The following LCOR variants were observed in gnomAD, a reference collection of about 807,000 sequenced individuals.
LCOR encodes the protein ligand-dependent corepressor.
A neutral mutation model predicts 64.4 loss-of-function variants in LCOR; 14 were observed. That is an observed-to-expected ratio of 0.22 (90% CI 0.14 to 0.34). LCOR has a LOEUF of 0.34. Ranked by LOEUF, LCOR falls within the 10% of genes least tolerant of loss-of-function variation. LCOR has a pLI of 1.00. For missense variants in LCOR, 1,686 were observed against 1,765.3 expected (o/e 0.96, Z 0.80); for synonymous variants, 643 against 642.5 (o/e 1.00, Z -0.01).
intron 2 of LCOR, among the ~76,000 whole-genome samples, chr10:96,866,992 C>A (rs1845985459): frequency 6.6e-6 from 1 of 151,996 alleles, no homozygotes; most frequent in South Asian, 2.1e-4. Context: ...TTTTCTATTA[C>A]TATTATTTTT....
At chr10:96,839,186 C>A (rs1027886380) in intron 2 of LCOR, among the ~76,000 whole-genome samples, 5 of 152,110 alleles carry the variant, frequency 3.3e-5, no homozygotes, top group Admixed American at 2.6e-4. Flanking sequence ...TTATTCAGAT[C>A]CCTTGCCCAT....
At position 96,832,343 on chromosome 10, in the gene LCOR, G is replaced by A. The variant is rs1361986088; in HGVS notation, c.-460G>A. 4 of 984,882 alleles carry A rather than the reference G, an allele frequency of 4.1e-6. No homozygotes were observed. The highest frequency in any genetic ancestry group is 1.8e-5 in the African/African-American group (1 of 57,108). 61.0% of individuals were successfully genotyped at this position (984,882 alleles called of 1,614,324 possible). A position where few individuals can be genotyped will look rare whatever the true frequency, so the allele number is the denominator to read the frequency against. Reference sequence around the variant, plus strand: ...AGGCGGCAGCAATGCTCCGTTGAGAGACGCGGCTTTCGGCAAGAACTGGAT... The same window carrying A: ...AGGCGGCAGCAATGCTCCGTTGAGAAACGCGGCTTTCGGCAAGAACTGGAT... On this transcript the variant is annotated 5_prime_UTR_variant, in exon 1 of 8. Transcript: ENST00000421806.
At chr10:96,962,558 A>C (rs542273408) in intron 7 of LCOR, 1 of 152,198 alleles carries the variant, frequency 6.6e-6, no homozygotes, top group Admixed American at 6.5e-5. Flanking sequence ...GAATTTTAGT[A>C]TGTAATAGCA....
chr10:96,953,887 T>C (rs1241146709), intron 7 of LCOR, among the ~76,000 whole-genome samples: 1 of 152,234 alleles, frequency 6.6e-6, no homozygotes, highest in Non-Finnish European at 1.5e-5. Flanking sequence ...AAAGCCCTAT[T>C]TTGTGCCTAA....
rs540671360 is a variant in LCOR at position 96,912,203 on chromosome 10, T to C, written c.-184+4456T>C. ...CCCGCCTCGGCCTCCCAAAGTGTGA[T>C]AACAGGTGTGAGCCACTGCACCCGG... On this transcript the variant is annotated intron_variant, in intron 4 of 7. Coordinates refer to ENST00000421806, the MANE Select transcript of LCOR (RefSeq NM_001346516.2). Among the ~76,000 whole-genome samples the C allele has an allele frequency of 2.0e-5, 3 of 152,250 alleles. No homozygotes were observed. In the South Asian group the frequency reaches 6.2e-4, roughly 32 times the overall value.
chr10:96,859,344 G>T (rs1263197650), intron 2 of LCOR, among the ~76,000 whole-genome samples: 1 of 152,130 alleles, frequency 6.6e-6, no homozygotes, highest in Non-Finnish European at 1.5e-5. Flanking sequence ...CAAGTAGCTG[G>T]GATTACAGGC....
chr10:96,976,703 T>G (rs1848043225), intron 7 of LCOR, among the ~76,000 whole-genome samples: 1 of 152,264 alleles, frequency 6.6e-6, no homozygotes, highest in Non-Finnish European at 1.5e-5. Context: ...ATTACTCATT[T>G]ATTCTGTGTG....
chr10:96,839,028 T>G (rs1206763249), intron 2 of LCOR, among the ~76,000 whole-genome samples: 1 of 152,220 alleles, frequency 6.6e-6, no homozygotes, highest in Admixed American at 6.5e-5. Context: ...TTAGTGGGTA[T>G]GAAGTCGTAT....
chr10:96,920,662 GTATATATGTATATATTCA>G (rs1263721180), intron 4 of LCOR, among the ~76,000 whole-genome samples: 1 of 128,504 alleles, frequency 7.8e-6, no homozygotes, highest in Non-Finnish European at 1.5e-5. Context: ...GTGTATATAT[GTATATATGTATATATTCA>G]TATATGTGTA....
chr10:96,893,656 G>A (rs778478994), intron 2 of LCOR, among the ~76,000 whole-genome samples: 13 of 151,968 alleles, frequency 8.6e-5, no homozygotes, highest in Non-Finnish European at 1.8e-4. Flanking sequence ...CCAGCTACTC[G>A]GGAGGCTGAG....
intron 3 of LCOR, 52 bp from the exon 4 acceptor site, chr10:96,907,616 A>G (rs775405408): frequency 2.6e-5 from 18 of 692,732 alleles, no homozygotes; most frequent in Non-Finnish European, 3.2e-5. Flanking sequence ...ATTCTAATTT[A>G]TTTTCCTAAA....
intron 7 of LCOR, 119 bp from the exon 8 acceptor site, chr10:96,980,674 C>T (rs1268659671): frequency 6.8e-6 from 4 of 590,016 alleles, no homozygotes; most frequent in Non-Finnish European, 1.2e-5. Context: ...TAGCGAGACC[C>T]TGTATCTACA....
chr10:96,881,829 TG>T (rs2134420436), intron 2 of LCOR, among the ~76,000 whole-genome samples: 1 of 152,326 alleles, frequency 6.6e-6, no homozygotes, highest in Non-Finnish European at 1.5e-5. Context: ...ATTGTTGTGG[TG>T]GAAATATCCT....
Position 96,981,078 on chromosome 10 carries a change from C to T in LCOR, c.618C>T (p.Phe206=), listed in dbSNP as rs185351862. Residue 206 remains phenylalanine (F), a synonymous_variant, in exon 8 of 8, where the codon TTC becomes TTT. Transcript: ENST00000421806. ...AGTCTTCTGCTTCTGTAGATTTGTT[C>T]GTAGACTCGTCAGACTCTCACAGCC... The part of the protein sequence containing the change: ...DMKSSASVDL[F]VDSSDSHSPL... 14 of 702,980 alleles carry T rather than the reference C, an allele frequency of 2.0e-5. No homozygotes were observed. The highest frequency in any genetic ancestry group is 1.4e-4 in the Admixed American group (7 of 50,012). 43.5% of individuals were successfully genotyped at this position (702,980 alleles called of 1,614,324 possible).
chr10:96,980,885 A>G lies in LCOR; in HGVS notation c.425A>G (p.Gln142Arg), dbSNP rs1848078161. 1.4e-6 allele frequency: 1 copy of G among 703,022 alleles called. No homozygotes were observed. The highest frequency in any genetic ancestry group is 2.6e-6 in the Non-Finnish European group (1 of 384,998). The allele number at this position is 703,022 out of a possible 1,614,324, so 43.5% of individuals were successfully genotyped here. The change falls in exon 8 of 8, where the codon CAA (glutamine) becomes CGA (arginine). Residue 142 changes from glutamine (Q) to arginine (R), a missense_variant. By Grantham distance (43) the Gln-to-Arg change is conservative. Transcript: ENST00000421806. The part of the protein sequence containing the change: ...KFMVKLCTHH[Q>R]KQFIRVLNDL... ...ATGGTCAAACTGTGTACTCATCATCAAAAGCAATTCATTCGTGTTCTGAAC... is the reference window on the plus strand; with the variant it reads ...ATGGTCAAACTGTGTACTCATCATCGAAAGCAATTCATTCGTGTTCTGAAC...
intron 2 of LCOR, among the ~76,000 whole-genome samples, chr10:96,873,450 GT>G (rs2039576621): frequency 6.6e-6 from 1 of 151,976 alleles, no homozygotes; most frequent in African/African-American, 2.4e-5. Flanking sequence ...TTCTCTCCAG[GT>G]TTATGAAATT....
intron 4 of LCOR, among the ~76,000 whole-genome samples, chr10:96,927,310 T>G (rs1168504388): frequency 1.3e-5 from 2 of 152,138 alleles, no homozygotes; most frequent in Admixed American, 6.5e-5. Context: ...TGTGATGTGT[T>G]TGTTTGAATC....
intron 6 of LCOR, among the ~76,000 whole-genome samples, chr10:96,950,507 G>A (rs1185574261): frequency 6.6e-6 from 1 of 151,996 alleles, no homozygotes. Context: ...GTTTATATTA[G>A]GAGAATGACA....
chr10:96,918,391 T>G (rs767350851), intron 4 of LCOR, among the ~76,000 whole-genome samples: 8 of 151,962 alleles, frequency 5.3e-5, no homozygotes, highest in Admixed American at 3.9e-4. Context: ...AGAATTCTGG[T>G]TGTGAGGGAC....
Sources: allele counts gnomAD v4.1 joint callset (sites outside exome capture counted in the v4.1 genomes callset), GRCh38; gene constraint gnomAD v4.1.1; transcripts MANE v1.5; gene names NCBI Gene and HGNC (gene_info 2026-07-23, HGNC 2026-07-21).